PTPRD: variants seen among roughly 807,000 people sequenced by gnomAD.
The protein encoded by PTPRD is receptor-type tyrosine-protein phosphatase delta.
PTPRD carries 34 observed loss-of-function variants against 214.5 expected under a neutral mutation model. The observed-to-expected ratio is 0.16, with a 90% CI of 0.12 to 0.21. The LOEUF is 0.21. Among genes scored for constraint, PTPRD ranks in the 10% least tolerant of loss-of-function variants. The pLI, the probability that PTPRD is intolerant of heterozygous loss-of-function variation, is 1.00. For missense variants in PTPRD, 2,545 were observed against 2,398.7 expected, an observed-to-expected ratio of 1.06 and a Z score of -1.27; for synonymous variants, 1,128 against 845.7, an observed-to-expected ratio of 1.33 and a Z score of -5.79.
In PTPRD at chr9:8,713,086, T is replaced by G. The variant is rs75224924; in HGVS notation, c.64+20694A>C. ...AAATCTAGGTATGTGTGTGTGCTTT[T>G]TATTTATAAAACAGAATCTGAGAGG... On this transcript the variant is annotated intron_variant, in intron 12 of 45. Transcript: ENST00000381196. 2.4e-4 allele frequency among the ~76,000 whole-genome samples: 37 copies of G among 152,286 alleles called. 1 individual carries two copies. The East Asian group carries it at 6.4e-3, about 26-fold the overall frequency.
At chr9:8,945,740 A>T (rs2099060177) in intron 11 of PTPRD, among the ~76,000 whole-genome samples, 1 of 152,092 alleles carries the variant, frequency 6.6e-6, no homozygotes, top group East Asian at 1.9e-4. Flanking sequence ...TACATACCAC[A>T]CTCATCTTTG....
chr9:10,429,109 G>C (rs931736554), intron 2 of PTPRD, among the ~76,000 whole-genome samples: 4 of 151,820 alleles, frequency 2.6e-5, no homozygotes, highest in Admixed American at 2.6e-4. Context: ...TCTAGAACTA[G>C]AAAATAACTA....
At position 10,075,678 on chromosome 9, in the gene PTPRD, TG is replaced by T. The variant is rs371099539; in HGVS notation, c.-544-41889del. Among the ~76,000 whole-genome samples the T allele has an allele frequency of 6.6e-5, 10 of 151,508 alleles. No homozygotes were observed. In the South Asian group the frequency reaches 1.9e-3, roughly 29 times the overall value. ...TTTCATCTTTGTTTCTCTCATTTTC[TG>T]GGGGGGAGGGGGAAAATTGGTTGTG... On this transcript the variant is annotated intron_variant, in intron 3 of 45. Coordinates refer to ENST00000381196, the MANE Select transcript of PTPRD (RefSeq NM_002839.4).
chr9:8,376,713 T>A lies in PTPRD; in HGVS notation c.4400A>T (p.Gln1467Leu). The A allele has an allele frequency of 6.2e-7, 1 of 1,612,934 alleles. No individual in the cohort carries two copies. The change falls in exon 38 of 46, where the codon CAG becomes CTG. Residue 1467 changes from glutamine to leucine, a missense_variant. Coordinates refer to ENST00000381196, the MANE Select transcript of PTPRD (RefSeq NM_002839.4). ...TTCTGTGCCTCTGCTAGGCCAATAC[T>A]GGTCACACTTCACCTACAAGAAACA... Reference protein sequence around the residue: ...LEERSRVKCDQYWPSRGTETH... With the variant: ...LEERSRVKCDLYWPSRGTETH...
At chr9:9,279,128 AATGTC>A (rs1946732987) in intron 9 of PTPRD, among the ~76,000 whole-genome samples, 1 of 151,018 alleles carries the variant, frequency 6.6e-6, no homozygotes, top group Non-Finnish European at 1.5e-5. Flanking sequence ...CCATGCTCAA[AATGTC>A]AACTGTTTCA....
At chr9:8,846,775 G>C (rs1172873843) in intron 11 of PTPRD, among the ~76,000 whole-genome samples, 1 of 152,164 alleles carries the variant, frequency 6.6e-6, no homozygotes, top group Non-Finnish European at 1.5e-5. Flanking sequence ...GTATGGCAAG[G>C]TGGCAAGAGA....
intron 4 of PTPRD, among the ~76,000 whole-genome samples, chr9:10,004,082 A>G (rs1197480968): frequency 6.6e-6 from 1 of 151,974 alleles, no homozygotes; most frequent in Admixed American, 6.6e-5. Flanking sequence ...AGGAACTAAT[A>G]TTCATCAAAT....
chr9:9,554,482 C>T (rs975253051), intron 8 of PTPRD, among the ~76,000 whole-genome samples: 9 of 151,090 alleles, frequency 6.0e-5, no homozygotes, highest in Admixed American at 5.3e-4. Flanking sequence ...TGACATGGTT[C>T]GGGGGAGTGG....
chr9:9,472,741 G>C (rs558384749), intron 8 of PTPRD, among the ~76,000 whole-genome samples: 3 of 152,224 alleles, frequency 2.0e-5, no homozygotes, highest in Admixed American at 6.5e-5. Flanking sequence ...TTAGAGTTTT[G>C]CTTTTTAAGT....
intron 11 of PTPRD, among the ~76,000 whole-genome samples, chr9:8,817,922 G>T (rs2096955419): frequency 1.3e-5 from 2 of 152,290 alleles, no homozygotes; most frequent in Admixed American, 1.3e-4. Flanking sequence ...TAAAACTACA[G>T]TTAGTTGCTC....
chr9:9,229,119 C>A (rs895095364), intron 9 of PTPRD, among the ~76,000 whole-genome samples: 2 of 152,064 alleles, frequency 1.3e-5, no homozygotes, highest in African/African-American at 4.8e-5. Context: ...CCTAATTTTT[C>A]CAGTAGAATG....
At chr9:9,109,984 C>A (rs10816048) in intron 10 of PTPRD, among the ~76,000 whole-genome samples, 81 of 151,850 alleles carry the variant, frequency 5.3e-4, no homozygotes, top group African/African-American at 2.0e-3. Flanking sequence ...GGGTACTCAA[C>A]GAAATGAGCT....
At chr9:8,398,263 T>C (rs138543334) in intron 36 of PTPRD, among the ~76,000 whole-genome samples, 103 of 152,236 alleles carry the variant, frequency 6.8e-4, no homozygotes, top group Non-Finnish European at 1.1e-3. Flanking sequence ...CTAGTAATTG[T>C]AGGAAGTAGG....
rs1364150304 is a variant in PTPRD, at chr9:10,589,941, CTATTAA to C, written c.-600+22451_-600+22456del. On this transcript the variant is annotated intron_variant, in intron 2 of 45. Coordinates refer to ENST00000381196, the MANE Select transcript of PTPRD (RefSeq NM_002839.4). ...TAAAAACAAATTTAATTTGTTATTA[CTATTAA>C]TATGACTCCATTTGTAGCCACCTAT... Among the ~76,000 whole-genome samples, 7 of 152,142 alleles carry C rather than the reference CTATTAA, an allele frequency of 4.6e-5. No individual in the cohort carries two copies. In the South Asian group the frequency reaches 1.5e-3, roughly 32 times the overall value.
intron 5 of PTPRD, among the ~76,000 whole-genome samples, chr9:9,926,364 T>G (rs1237448962): frequency 6.6e-6 from 1 of 152,052 alleles, no homozygotes; most frequent in Non-Finnish European, 1.5e-5. Context: ...ATCATACAAA[T>G]TTTTAGTTGT....
At chr9:10,561,455 G>GT (rs1466144156) in intron 2 of PTPRD, among the ~76,000 whole-genome samples, 3 of 152,032 alleles carry the variant, frequency 2.0e-5, no homozygotes, top group African/African-American at 4.8e-5. Flanking sequence ...TATACTGAAC[G>GT]TGATTATATG....
chr9:10,342,264 T>C, intron 2 of PTPRD, among the ~76,000 whole-genome samples: 1 of 152,066 alleles, frequency 6.6e-6, no homozygotes, highest in East Asian at 1.9e-4. Flanking sequence ...CCTCTTCACT[T>C]GTTTACTTTG....
chr9:9,414,509 G>A (rs968509106), intron 8 of PTPRD, among the ~76,000 whole-genome samples: 3 of 152,162 alleles, frequency 2.0e-5, no homozygotes, highest in Non-Finnish European at 4.4e-5. Context: ...TTCCTGGTAC[G>A]TTTAGTCCAG....
intron 5 of PTPRD, among the ~76,000 whole-genome samples, chr9:9,773,200 T>A (rs1034444119): frequency 3.9e-5 from 6 of 152,130 alleles, no homozygotes; most frequent in Admixed American, 3.9e-4. Context: ...AATGTAAACC[T>A]CCTTTCCCTC....
Sources: allele counts gnomAD v4.1 joint callset (sites outside exome capture counted in the v4.1 genomes callset), GRCh38; gene constraint gnomAD v4.1.1; transcripts MANE v1.5; gene names NCBI Gene and HGNC (gene_info 2026-07-23, HGNC 2026-07-21).